ETV7: variants seen among roughly 807,000 people sequenced by gnomAD.
ETV7 encodes the protein ETS variant transcription factor 7, also known as transcription factor ETV7.
Under a neutral mutation model 39.1 loss-of-function variants are expected in ETV7, and 43 were observed. The observed-to-expected ratio is 1.10, with a 90% CI of 0.86 to 1.42. The LOEUF (loss-of-function observed/expected upper bound fraction) is 1.42. ETV7 is among the 40% of genes most tolerant of loss of function. The pLI is 0.00. For missense variants in ETV7, 432 were observed against 442.3 expected (o/e 0.98, Z 0.21); for synonymous variants, 196 against 176.6 (o/e 1.11, Z -0.87).
At chr6:36,383,123 T>G (rs977063136) in intron 2 of ETV7, among the ~76,000 whole-genome samples, 1 of 152,088 alleles carries the variant, frequency 6.6e-6, no homozygotes, top group Non-Finnish European at 1.5e-5. Flanking sequence ...GGTCCTAGAG[T>G]CTGCACTGCC....
chr6:36,366,943 A>G lies in ETV7; in HGVS notation c.840T>C (p.Ser280=). The G allele has an allele frequency of 2.5e-6, 4 of 1,613,940 alleles. No individual in the cohort carries two copies. Among genetic ancestry groups the G allele is most frequent in the Non-Finnish European group, 3.4e-6 (4 of 1,179,982 alleles). Residue 280 remains serine, a synonymous_variant, in exon 7 of 8, where the codon TCT becomes TCC. Coordinates refer to ENST00000340181, the MANE Select transcript of ETV7 (RefSeq NM_016135.4). ...NRVNMTYEKM[S]RALRHYYKLN... ...GCTTATAATAGTGGCGCAGGGCACGAGACATCTTCTCGTAGGTCATGTTCA... is the reference window on the plus strand; with the variant it reads ...GCTTATAATAGTGGCGCAGGGCACGGGACATCTTCTCGTAGGTCATGTTCA...
chr6:36,385,563 C>T lies in ETV7; in HGVS notation c.113G>A (p.Gly38Glu), dbSNP rs1312564508. 3 of 1,614,244 alleles carry T rather than the reference C, an allele frequency of 1.9e-6. No homozygotes were observed. The highest frequency in any genetic ancestry group is 2.5e-6 in the Non-Finnish European group (3 of 1,180,040). The change falls in exon 2 of 8, where the codon GGG becomes GAG. Residue 38 changes from glycine (G) to glutamate (E), a missense_variant. Coordinates refer to ENST00000340181, the MANE Select transcript of ETV7 (RefSeq NM_016135.4). ...CEAQINLLGEGGICKLPGRLR... is the reference protein window; with the variant it reads ...CEAQINLLGEEGICKLPGRLR... ...TCTTCCTGGCAGCTTGCAGATCCCC[C>T]CTTCACCCAGCAGGTTAATTTGAGC...
At chr6:36,356,179 A>T (rs1772330494) in intron 7 of ETV7, among the ~76,000 whole-genome samples, 1 of 152,124 alleles carries the variant, frequency 6.6e-6, no homozygotes, top group Non-Finnish European at 1.5e-5. Flanking sequence ...CACGCCTGTA[A>T]TCCCTTCTCT....
intron 4 of ETV7, among the ~76,000 whole-genome samples, chr6:36,371,956 C>CA (rs142810367): frequency 1.6e-3 from 246 of 152,282 alleles, no homozygotes; most frequent in African/African-American, 5.4e-3. Flanking sequence ...GCTGAGCTCC[C>CA]AAAGCCCCTG....
Position 36,385,828 on chromosome 6 carries a change from C to G in ETV7, c.7-159G>C, listed in dbSNP as rs577613281. Among the ~76,000 whole-genome samples the G allele has an allele frequency of 9.5e-4, 144 of 152,344 alleles. 1 individual carries two copies. Among genetic ancestry groups the G allele is most frequent in the African/African-American group, 2.9e-3 (121 of 41,578 alleles). On this transcript the variant is annotated intron_variant, in intron 1 of 7. Coordinates refer to ENST00000340181, the MANE Select transcript of ETV7 (RefSeq NM_016135.4). ...GTAGGAACCATGTATATCTTCAACT[C>G]AGTACCATCAACATTTTGTACCCAG...
intron 2 of ETV7, among the ~76,000 whole-genome samples, chr6:36,377,777 G>A (rs1773450018): frequency 6.6e-6 from 1 of 152,200 alleles, no homozygotes; most frequent in Non-Finnish European, 1.5e-5. Flanking sequence ...CACAGAACCA[G>A]GCTGGCAGGA....
At chr6:36,379,020 C>T (rs947971069) in intron 2 of ETV7, among the ~76,000 whole-genome samples, 2 of 152,160 alleles carry the variant, frequency 1.3e-5, no homozygotes, top group Non-Finnish European at 2.9e-5. Flanking sequence ...TTTAGAGCCG[C>T]GATGGGAGAT....
chr6:36,386,787 AG>A (rs1239086298), intron 1 of ETV7: 3 of 152,330 alleles, frequency 2.0e-5, no homozygotes, highest in Non-Finnish European at 4.4e-5. Context: ...CTGTTTCCCA[AG>A]TAATCAGACC....
chr6:36,354,608 T>C (rs990436152), exon 8 of ETV7: 6 of 692,130 alleles, frequency 8.7e-6, no homozygotes, highest in Admixed American at 8.4e-5. Context: ...TCCAACTTTG[T>C]TTTTCTTTCC....
intron 2 of ETV7, among the ~76,000 whole-genome samples, chr6:36,376,909 C>A (rs536529181): frequency 1.3e-5 from 2 of 152,220 alleles, no homozygotes; most frequent in Admixed American, 1.3e-4. Flanking sequence ...GGCTATTGAA[C>A]TTTTCTGCTC....
At chr6:36,367,455 A>AGGAAGGAAGGAAGGAAGGC (rs1419717656) in intron 6 of ETV7, among the ~76,000 whole-genome samples, 4 of 150,976 alleles carry the variant, frequency 2.6e-5, no homozygotes, top group African/African-American at 9.8e-5. Context: ...AAAGAAAGAA[A>AGGAAGGAAGGAAGGAAGGC]GGAAGGAAGG....
chr6:36,385,845 T>G (rs985806325), intron 1 of ETV7, among the ~76,000 whole-genome samples, 176 bp from the exon 2 acceptor site: 2 of 152,230 alleles, frequency 1.3e-5, no homozygotes, highest in Non-Finnish European at 2.9e-5. Flanking sequence ...ATCAACATTT[T>G]GTACCCAGTG....
At chr6:36,376,105 T>A in intron 2 of ETV7, 70 bp from the exon 3 acceptor site, 1 of 1,438,506 alleles carries the variant, frequency 7.0e-7, no homozygotes, top group Non-Finnish European at 9.4e-7. Flanking sequence ...CCTGAACACT[T>A]CATCTGAGCA....
chr6:36,375,824 G>C, intron 3 of ETV7, 47 bp downstream of exon 3: 1 of 1,612,386 alleles, frequency 6.2e-7, no homozygotes, highest in Non-Finnish European at 8.5e-7. Flanking sequence ...GGCCATCCTG[G>C]CCTACCAGGG....
In ETV7 at chr6:36,385,665, C is replaced by T; in HGVS notation, c.11G>A (p.Gly4Glu). The T allele has an allele frequency of 6.2e-7, 1 of 1,612,152 alleles. No homozygotes were observed. The highest frequency in any genetic ancestry group is 8.5e-7 in the Non-Finnish European group (1 of 1,179,158). Residue 4 changes from glycine to glutamate, a missense_variant, in exon 2 of 8, where the codon GGA becomes GAA. Transcript: ENST00000340181. ...GCTTATAGGAGAAATAGCCAATTCT[C>T]CCTCCTAGAGAGAGAAAAACCAGGA... MQE[G>E]ELAISPISPV... is the part of the protein sequence containing the mutation.
chr6:36,366,031 G>A (rs111953269), downstream of ETV7, among the ~76,000 whole-genome samples: 25 of 152,170 alleles, frequency 1.6e-4, no homozygotes, highest in Non-Finnish European at 2.9e-4. Flanking sequence ...AAAATTAGCC[G>A]GGTGTGGTGG....
downstream of ETV7, among the ~76,000 whole-genome samples, chr6:36,363,617 G>T (rs572557857): frequency 6.6e-6 from 1 of 152,356 alleles, no homozygotes; most frequent in South Asian, 2.1e-4. Flanking sequence ...GACCAGAACG[G>T]GTTGCCACTG....
At chr6:36,359,451 C>CA (rs201987326) in intron 7 of ETV7, among the ~76,000 whole-genome samples, 13,978 of 117,900 alleles carry the variant, frequency 0.12, 1,380 homozygotes, top group African/African-American at 0.29. Flanking sequence ...AACTCAGTCT[C>CA]AAAAAAAAAA....
At chr6:36,358,370 GTCAA>G (rs1772393622) in intron 7 of ETV7, among the ~76,000 whole-genome samples, 2 of 152,210 alleles carry the variant, frequency 1.3e-5, no homozygotes, top group Admixed American at 1.3e-4. Flanking sequence ...CTCCTGCTTT[GTCAA>G]AGGCCCTTTT....
Sources: allele counts gnomAD v4.1 joint callset (sites outside exome capture counted in the v4.1 genomes callset), GRCh38; gene constraint gnomAD v4.1.1; transcripts MANE v1.5; gene names NCBI Gene and HGNC (gene_info 2026-07-23, HGNC 2026-07-21).